The following C19orf47 variants were observed in gnomAD, a reference collection of about 807,000 sequenced individuals.
C19orf47 encodes the protein chromosome 19 open reading frame 47, also known as uncharacterized protein C19orf47.
C19orf47 carries 18 observed loss-of-function variants against 32.3 expected under a neutral mutation model. The observed-to-expected ratio is 0.56, with a 90% CI of 0.39 to 0.83. C19orf47 has a LOEUF of 0.83. Ranked by LOEUF, C19orf47 falls within the 40% of genes least tolerant of loss-of-function variation. C19orf47 has a pLI of 0.00. For synonymous variants in C19orf47, 202 were observed against 211.1 expected (o/e 0.96, Z 0.37); for missense variants, 484 against 531.6 (o/e 0.91, Z 0.88).
In C19orf47 at chr19:40,321,570, G is replaced by A. The variant is rs2077718307; in HGVS notation, c.*312C>T. 8.8e-7 allele frequency: 1 copy of A among 1,141,016 alleles called. No individual in the cohort carries two copies. The highest frequency in any genetic ancestry group is 1.1e-6 in the Non-Finnish European group (1 of 926,452). 70.7% of individuals were successfully genotyped at this position (1,141,016 alleles called of 1,614,324 possible). On this transcript the variant is annotated 3_prime_UTR_variant, in exon 9 of 9. Transcript: ENST00000683109. The stretch of plus-strand genomic sequence containing the variant: ...CCCTGCTCAGGGGAAGAAGGGGAAT[G>A]TAGGAGAGGAAGAAGCCCCCTGGCA...
At chr19:40,306,079 TGAA>T in the C19orf47 span, among the ~76,000 whole-genome samples, 1 of 138,440 alleles carries the variant, frequency 7.2e-6, no homozygotes, top group Non-Finnish European at 1.5e-5. Flanking sequence ...TGAACCCAGA[TGAA>T]GGAGGTTGCA....
intron 2 of C19orf47, among the ~76,000 whole-genome samples, chr19:40,338,628 A>G (rs58613082): frequency 0.19 from 29,138 of 151,912 alleles, 3,251 homozygotes; most frequent in African/African-American, 0.29. Flanking sequence ...TGTGATCCAC[A>G]TGCCCTGGCC....
In C19orf47 at chr19:40,326,427, T is replaced by C. The variant is rs941741046; in HGVS notation, c.499A>G (p.Thr167Ala). Reference protein sequence around the residue: ...LAVPAKRRRVTAEMEGKYVIN... With the variant: ...LAVPAKRRRVAAEMEGKYVIN... ...ACGTACTTCCCCTCCATCTCAGCAGTGACCCGGCGCCGCTTGGCAGGAACA... is the reference window on the plus strand; with the variant it reads ...ACGTACTTCCCCTCCATCTCAGCAGCGACCCGGCGCCGCTTGGCAGGAACA... Residue 167 changes from threonine (T) to alanine (A), a missense_variant, in exon 7 of 9, where the codon ACT becomes GCT. Transcript: ENST00000683109. 6.2e-7 allele frequency: 1 copy of C among 1,614,170 alleles called. No individual in the cohort carries two copies.
At chr19:40,296,150 G>A in the C19orf47 span, among the ~76,000 whole-genome samples, 4 of 152,200 alleles carry the variant, frequency 2.6e-5, no homozygotes, top group African/African-American at 7.2e-5. Flanking sequence ...ATCAGAAAGT[G>A]TATTTACGCA....
intron 1 of C19orf47, among the ~76,000 whole-genome samples, chr19:40,346,286 T>C (rs2078276297): frequency 7.1e-6 from 1 of 141,220 alleles, no homozygotes; most frequent in Non-Finnish European, 1.5e-5. Context: ...CTACTAAAAA[T>C]ACAAAAATTA....
intron 4 of C19orf47, 45 bp downstream of exon 4, chr19:40,336,065 C>A: frequency 6.3e-7 from 1 of 1,578,558 alleles, no homozygotes. Flanking sequence ...GACCCTCCAC[C>A]TCCATGCCAA....
At chr19:40,329,492 T>C (rs963682584) in intron 5 of C19orf47, among the ~76,000 whole-genome samples, 1 of 151,784 alleles carries the variant, frequency 6.6e-6, no homozygotes, top group Non-Finnish European at 1.5e-5. Context: ...GGCAACAGAG[T>C]GAAACCCAGT....
At position 40,322,175 on chromosome 19, in the gene C19orf47, C is replaced by T; in HGVS notation, c.865G>A (p.Ala289Thr). The stretch of plus-strand genomic sequence containing the variant: ...AGCGCCAGGCGCCGCAGTGTCGGGG[C>T]AGCAGCCGTTGTCGCTGAGCTTGTG... ...KATSSATTAA[A>T]PTLRRLALSS... The change falls in exon 9 of 9, where the codon GCC becomes ACC. Residue 289 changes from alanine to threonine, a missense_variant. Coordinates refer to ENST00000683109, the MANE Select transcript of C19orf47 (RefSeq NM_001256441.2). 1 of 1,612,342 alleles carries T rather than the reference C, an allele frequency of 6.2e-7. No individual in the cohort carries two copies. Among genetic ancestry groups the T allele is most frequent in the Non-Finnish European group, 8.5e-7 (1 of 1,179,772 alleles).
chr19:40,314,147 G>C, the C19orf47 span, among the ~76,000 whole-genome samples: 1 of 152,174 alleles, frequency 6.6e-6, no homozygotes, highest in South Asian at 2.1e-4. Flanking sequence ...CAAAAACAAG[G>C]CTGGGTGCGG....
At chr19:40,312,863 C>A in the C19orf47 span, among the ~76,000 whole-genome samples, 6 of 152,210 alleles carry the variant, frequency 3.9e-5, no homozygotes, top group African/African-American at 1.4e-4. Flanking sequence ...TTAATTTAAG[C>A]CACTAAGTTT....
intron 8 of C19orf47, among the ~76,000 whole-genome samples, chr19:40,323,731 G>A (rs1255950294): frequency 6.6e-6 from 1 of 152,184 alleles, no homozygotes; most frequent in Non-Finnish European, 1.5e-5. Context: ...GGGCCCAGGA[G>A]AGGGCTGACT....
chr19:40,296,378 T>G, the C19orf47 span, among the ~76,000 whole-genome samples: 1 of 152,100 alleles, frequency 6.6e-6, no homozygotes, highest in Admixed American at 6.5e-5. Flanking sequence ...CCTCCTGGAT[T>G]CAAGCAATTA....
intron 2 of C19orf47, chr19:40,338,914 G>A (rs888824910): frequency 2.6e-5 from 4 of 152,158 alleles, no homozygotes; most frequent in Non-Finnish European, 4.4e-5. Context: ...AAAAACCATC[G>A]AATTATACAC....
At chr19:40,306,320 G>A in the C19orf47 span, among the ~76,000 whole-genome samples, 6 of 151,968 alleles carry the variant, frequency 3.9e-5, no homozygotes, top group Non-Finnish European at 5.9e-5. Flanking sequence ...GGGGAGAAGA[G>A]GGAACAGTAA....
At position 40,341,875 on chromosome 19, in the gene C19orf47, C is replaced by T; in HGVS notation, c.-18G>A. On this transcript the variant is annotated 5_prime_UTR_variant, in exon 2 of 9. Coordinates refer to ENST00000683109, the MANE Select transcript of C19orf47 (RefSeq NM_001256441.2). Reference sequence around the variant, plus strand: ...GAGACCATCGTCTCCCTGGCCCTGACACTGCTCCCTGGAGCCTGAAAGAGA... The same window carrying T: ...GAGACCATCGTCTCCCTGGCCCTGATACTGCTCCCTGGAGCCTGAAAGAGA... 1 of 1,536,246 alleles carries T rather than the reference C, an allele frequency of 6.5e-7. No individual in the cohort carries two copies.
downstream of C19orf47, among the ~76,000 whole-genome samples, chr19:40,317,000 G>C (rs923583150): frequency 6.6e-6 from 1 of 152,050 alleles, no homozygotes; most frequent in Non-Finnish European, 1.5e-5. Flanking sequence ...CAAGAAATTG[G>C]TTAACATTTG....
In C19orf47 at chr19:40,321,828, C is replaced by T. The variant is rs895140939; in HGVS notation, c.*54G>A. 1.2e-5 allele frequency: 17 copies of T among 1,466,624 alleles called. No homozygotes were observed. Among genetic ancestry groups the T allele is most frequent in the Admixed American group, 1.1e-4 (4 of 36,732 alleles). 90.9% of individuals were successfully genotyped at this position (1,466,624 alleles called of 1,614,324 possible). A position where few individuals can be genotyped will look rare whatever the true frequency, so the allele number is the denominator to read the frequency against. ...GCGTGATGAAGCCAGGAGCCTGGGG[C>T]GGCCAGGGCAGATGCCCGCAGGCTC... On this transcript the variant is annotated 3_prime_UTR_variant, in exon 9 of 9. Transcript: ENST00000683109.
At chr19:40,341,642 C>T (rs2078179419) in intron 2 of C19orf47, 197 bp downstream of exon 2, 2 of 730,510 alleles carry the variant, frequency 2.7e-6, no homozygotes. Context: ...CTAAACTATA[C>T]AGTCAGGAGA....
At chr19:40,325,032 G>C (rs1173767397) in intron 7 of C19orf47, among the ~76,000 whole-genome samples, 2 of 151,660 alleles carry the variant, frequency 1.3e-5, no homozygotes, top group Non-Finnish European at 2.9e-5. Flanking sequence ...CACTTTGAGA[G>C]GCCAAGGCAG....
Sources: gnomAD v4.1 joint callset for allele counts (sites outside exome capture counted in the v4.1 genomes callset) on GRCh38, gnomAD v4.1.1 for gene constraint, MANE v1.5 for transcripts, NCBI Gene and HGNC (gene_info 2026-07-23, HGNC 2026-07-21) for gene names.